The following OR2V2 variants were observed in gnomAD, a reference collection of about 807,000 sequenced individuals.
OR2V2 encodes the protein olfactory receptor 2V2.
For missense variants in OR2V2, 392 were observed against 392.2 expected, an observed-to-expected ratio of 1.00 and a Z score of 0.00; for synonymous variants, 161 against 151.3, an observed-to-expected ratio of 1.06 and a Z score of -0.47.
At position 181,155,918 on chromosome 5, in the gene OR2V2, C is replaced by A; in HGVS notation, c.*28C>A. 1 of 1,579,240 alleles carries A rather than the reference C, an allele frequency of 6.3e-7. No individual in the cohort carries two copies. Among genetic ancestry groups the A allele is most frequent in the Non-Finnish European group, 8.7e-7 (1 of 1,154,574 alleles). ...CCAGGGCATCCAGTGCCTGGCTCTG[C>A]CATCTCTTAGCTCCAGGGATGTCGG... On this transcript the variant is annotated 3_prime_UTR_variant, in exon 2 of 2. Transcript: ENST00000641492.
Position 181,155,369 on chromosome 5 carries a change from C to A in OR2V2, c.427C>A (p.Leu143Ile), listed in dbSNP as rs765758694. The A allele has an allele frequency of 2.7e-5, 43 of 1,614,222 alleles. No individual in the cohort carries two copies. The South Asian group carries it at 3.8e-4, about 14-fold the overall frequency. The change falls in exon 2 of 2, where the codon CTC (leucine) becomes ATC (isoleucine). Residue 143 changes from leucine (L) to isoleucine (I), a missense_variant. Transcript: ENST00000641492. Reference protein sequence around the residue: ...YPILMNQRVCLQITGSSWAFG... With the variant: ...YPILMNQRVCIQITGSSWAFG... ...CATCCTCATGAATCAGAGGGTCTGT[C>A]TCCAGATTACTGGGAGCTCCTGGGC...
Position 181,155,385 on chromosome 5 carries a change from G to A in OR2V2, c.443G>A (p.Ser148Asn), listed in dbSNP as rs200000066. The A allele has an allele frequency of 5.0e-6, 8 of 1,614,184 alleles. No individual in the cohort carries two copies. The highest frequency in any genetic ancestry group is 1.6e-4 in the Middle Eastern group (1 of 6,062). ...AGGGTCTGTCTCCAGATTACTGGGA[G>A]CTCCTGGGCCTTTGGGATAATCGAT... ...NQRVCLQITG[S>N]SWAFGIIDGL... Residue 148 changes from serine to asparagine, a missense_variant, in exon 2 of 2, where the codon AGC becomes AAC. Physicochemically the swap from Ser to Asn is conservative, Grantham distance 46. Coordinates refer to ENST00000641492, the MANE Select transcript of OR2V2 (RefSeq NM_206880.2).
chr5:181,155,039 A>G lies in OR2V2; in HGVS notation c.97A>G (p.Met33Val), dbSNP rs749773428. ...TADLVLFSVV[M>V]AVFTVALCGN... ...TGACCTTGTCCTCTTCTCCGTGGTT[A>G]TGGCGGTCTTCACAGTGGCCCTCTG... The change falls in exon 2 of 2, where the codon ATG becomes GTG. Residue 33 changes from methionine to valine, a missense_variant. By Grantham distance (21) the Met-to-Val change is conservative. Coordinates refer to ENST00000641492, the MANE Select transcript of OR2V2 (RefSeq NM_206880.2). 172 of 1,613,972 alleles carry G rather than the reference A, an allele frequency of 1.1e-4. No homozygotes were observed. The highest frequency in any genetic ancestry group is 1.3e-4 in the Non-Finnish European group (156 of 1,180,000).
chr5:181,149,049 T>C (rs1448053278), intron 1 of OR2V2, among the ~76,000 whole-genome samples: 1 of 152,200 alleles, frequency 6.6e-6, no homozygotes, highest in Non-Finnish European at 1.5e-5. Context: ...TTGCATTTCC[T>C]CTGGAAGTTG....
rs1024453793 is a variant in OR2V2, at chr5:181,157,171, A to G, written c.*1281A>G. 6.6e-6 allele frequency: 1 copy of G among 152,228 alleles called. No individual in the cohort carries two copies. The highest frequency in any genetic ancestry group is 2.4e-5 in the African/African-American group (1 of 41,444). The allele number at this position is 152,228 out of a possible 1,614,324, so 9.4% of individuals were successfully genotyped here. On this transcript the variant is annotated 3_prime_UTR_variant, in exon 2 of 2. Coordinates refer to ENST00000641492, the MANE Select transcript of OR2V2 (RefSeq NM_206880.2). ...GTAAAATTCTCTTTTCATGGAAAAA[A>G]AATATCTCCATTGAAGGCGGAGAGA...
intron 1 of OR2V2, among the ~76,000 whole-genome samples, chr5:181,152,630 G>A (rs1054982474): frequency 3.3e-5 from 5 of 152,230 alleles, no homozygotes; most frequent in Non-Finnish European, 2.9e-5. Context: ...GACAACCTCG[G>A]TGATGATTAG....
rs1383871388 is a variant in OR2V2, at chr5:181,158,232, T to C, written c.*2342T>C. 6.6e-6 allele frequency: 1 copy of C among 151,978 alleles called. No individual in the cohort carries two copies. The highest frequency in any genetic ancestry group is 1.5e-5 in the Non-Finnish European group (1 of 68,024). The allele number at this position is 151,978 out of a possible 1,614,324, so 9.4% of individuals were successfully genotyped here. A position where few individuals can be genotyped will look rare whatever the true frequency, so the allele number is the denominator to read the frequency against. On this transcript the variant is annotated 3_prime_UTR_variant, in exon 2 of 2. Transcript: ENST00000641492. Reference sequence around the variant, plus strand: ...TCAGTTCACTAATCAATGCTCCTTATGAAACAAGAGTTGCATAACTAGTCT... The same window carrying C: ...TCAGTTCACTAATCAATGCTCCTTACGAAACAAGAGTTGCATAACTAGTCT...
rs146912174 is a variant in OR2V2, at chr5:181,147,845, C to A, written c.-175C>A. On this transcript the variant is annotated 5_prime_UTR_variant, in exon 1 of 2. The change creates a premature stop within an existing upstream ORF in the 5' untranslated region. Transcript: ENST00000641492. ...TCCACAGCCCGATGAGTAGTCGGTG[C>A]GGGCTGAGGAAGGAGGTTGGGGCTG... The A allele has an allele frequency of 6.5e-3, 2,575 of 394,962 alleles. 52 individuals carry two copies. The highest frequency in any genetic ancestry group is 0.049 in the African/African-American group (2,370 of 48,444). 24.5% of individuals were successfully genotyped at this position (394,962 alleles called of 1,614,324 possible). A position where few individuals can be genotyped will look rare whatever the true frequency, so the allele number is the denominator to read the frequency against.
chr5:181,149,210 G>C (rs2546436), intron 1 of OR2V2, among the ~76,000 whole-genome samples: 2 of 152,082 alleles, frequency 1.3e-5, no homozygotes, highest in Non-Finnish European at 2.9e-5. Context: ...CCAGGCGGGG[G>C]CTGGCAGGGG....
chr5:181,150,108 C>A (rs1428671836), intron 1 of OR2V2, among the ~76,000 whole-genome samples: 1 of 152,174 alleles, frequency 6.6e-6, no homozygotes, highest in Non-Finnish European at 1.5e-5. Context: ...CAGTTTGCTT[C>A]TATAGAAAAC....
chr5:181,156,141 C>G lies in OR2V2; in HGVS notation c.*251C>G. The G allele has an allele frequency of 2.3e-6, 1 of 437,470 alleles. No individual in the cohort carries two copies. Among genetic ancestry groups the G allele is most frequent in the Non-Finnish European group, 4.0e-6 (1 of 250,896 alleles). 27.1% of individuals were successfully genotyped at this position (437,470 alleles called of 1,614,324 possible). A position where few individuals can be genotyped will look rare whatever the true frequency, so the allele number is the denominator to read the frequency against. ...CTTTCTTTTTCTTTCAGTTCTTACTCTGTCACCCAGGCTAGAGTGCAGTGA... is the reference window on the plus strand; with the variant it reads ...CTTTCTTTTTCTTTCAGTTCTTACTGTGTCACCCAGGCTAGAGTGCAGTGA... On this transcript the variant is annotated 3_prime_UTR_variant, in exon 2 of 2. Coordinates refer to ENST00000641492, the MANE Select transcript of OR2V2 (RefSeq NM_206880.2).
intron 1 of OR2V2, among the ~76,000 whole-genome samples, chr5:181,154,526 G>C (rs1195350266): frequency 2.0e-5 from 3 of 149,962 alleles, no homozygotes; most frequent in Non-Finnish European, 2.9e-5. Context: ...GGAGGGGGAG[G>C]TTGCAGTGAG....
intron 1 of OR2V2, among the ~76,000 whole-genome samples, chr5:181,148,926 T>C (rs1444622318): frequency 6.6e-6 from 1 of 152,186 alleles, no homozygotes; most frequent in Non-Finnish European, 1.5e-5. Context: ...GGCCTTGTCC[T>C]GCTGTGTGAG....
chr5:181,154,471 T>G (rs910440070), intron 1 of OR2V2, among the ~76,000 whole-genome samples: 1 of 151,808 alleles, frequency 6.6e-6, no homozygotes, highest in Admixed American at 6.6e-5. Flanking sequence ...GCGCCTGTAG[T>G]CCCAGCTACT....
chr5:181,156,063 T>TTTCTTTCTTTCTTTCTTTCTTTC lies in OR2V2; in HGVS notation c.*183_*184insCTTTCTTTCTTTCTTCTTTCTTT, dbSNP rs1561631514. The TTTCTTTCTTTCTTTCTTTCTTTC allele has an allele frequency of 4.2e-6, 2 of 471,802 alleles. No individual in the cohort carries two copies. The highest frequency in any genetic ancestry group is 3.2e-5 in the East Asian group (1 of 31,162). 29.2% of individuals were successfully genotyped at this position (471,802 alleles called of 1,614,324 possible). A position where few individuals can be genotyped will look rare whatever the true frequency, so the allele number is the denominator to read the frequency against. ...AGTTCTTTCTTTCTTTCTTTCTTTC[T>TTTCTTTCTTTCTTTCTTTCTTTC]TTCTTTCTTTTGTTCTTTCTTTCGT... On this transcript the variant is annotated 3_prime_UTR_variant, in exon 2 of 2. Coordinates refer to ENST00000641492, the MANE Select transcript of OR2V2 (RefSeq NM_206880.2).
At position 181,155,460 on chromosome 5, in the gene OR2V2, G is replaced by A. The variant is rs143315247; in HGVS notation, c.518G>A (p.Arg173Lys). 21 of 1,614,112 alleles carry A rather than the reference G, an allele frequency of 1.3e-5. No individual in the cohort carries two copies. The African/African-American group carries it at 2.5e-4, about 19-fold the overall frequency. The change falls in exon 2 of 2, where the codon AGG becomes AAG. Residue 173 changes from arginine to lysine, a missense_variant. Physicochemically the swap from Arg to Lys is conservative, Grantham distance 26. Transcript: ENST00000641492. ...ATGAATTTCCCCTACTGTGGCTTGA[G>A]GAAGGTGAACCATTTCTTCTGTGAG... ...VVMNFPYCGL[R>K]KVNHFFCEML... is the part of the protein sequence containing the mutation.
Position 181,154,907 on chromosome 5 carries a change from C to T in OR2V2, c.-24-12C>T. 2.9e-6 allele frequency: 4 copies of T among 1,391,204 alleles called. No homozygotes were observed. Among genetic ancestry groups the T allele is most frequent in the South Asian group, 2.3e-5 (2 of 85,718 alleles). 86.2% of individuals were successfully genotyped at this position (1,391,204 alleles called of 1,614,324 possible). ...TGTCAGTCAATGTAACACATCTTGTCCATATTCTCAGGTGACCAGGAGCAA... is the reference window on the plus strand; with the variant it reads ...TGTCAGTCAATGTAACACATCTTGTTCATATTCTCAGGTGACCAGGAGCAA... On this transcript the variant is annotated splice_polypyrimidine_tract_variant and intron_variant, in intron 1 of 1. Coordinates refer to ENST00000641492, the MANE Select transcript of OR2V2 (RefSeq NM_206880.2).
chr5:181,152,782 C>T lies in OR2V2; in HGVS notation c.-24-2137C>T, dbSNP rs534121464. 4.6e-5 allele frequency among the ~76,000 whole-genome samples: 7 copies of T among 152,338 alleles called. No homozygotes were observed. In the East Asian group the frequency reaches 7.7e-4, roughly 17 times the overall value. ...TTGCCCTGGCAGGAGGCAATGGCCACGTGGTGAGGCACCTGCGAGGAGGGA... is the reference window on the plus strand; with the variant it reads ...TTGCCCTGGCAGGAGGCAATGGCCATGTGGTGAGGCACCTGCGAGGAGGGA... On this transcript the variant is annotated intron_variant, in intron 1 of 1. Coordinates refer to ENST00000641492, the MANE Select transcript of OR2V2 (RefSeq NM_206880.2).
intron 1 of OR2V2, among the ~76,000 whole-genome samples, chr5:181,154,433 C>A (rs969648409): frequency 4.0e-5 from 6 of 151,820 alleles, no homozygotes; most frequent in African/African-American, 1.5e-4. Flanking sequence ...ACTAAAAATA[C>A]AAAAAAATTA....
Sources: gnomAD v4.1 joint callset for allele counts (sites outside exome capture counted in the v4.1 genomes callset) on GRCh38, gnomAD v4.1.1 for gene constraint, MANE v1.5 for transcripts, NCBI Gene and HGNC (gene_info 2026-07-23, HGNC 2026-07-21) for gene names.